Variants in PRKDC observed in about 807,000 individuals in gnomAD.
PRKDC encodes DNA-dependent protein kinase catalytic subunit.
A neutral mutation model predicts 486.9 loss-of-function variants in PRKDC; 82 were observed. That is an observed-to-expected ratio of 0.17 (90% CI 0.14 to 0.20). The LOEUF (loss-of-function observed/expected upper bound fraction) is 0.20. PRKDC is among the 10% of genes least tolerant of loss of function. The probability of loss-of-function intolerance (pLI) is 1.00; values close to 1 mark genes in which losing one functional copy is unlikely to be tolerated. For missense variants in PRKDC, 4,504 were observed against 5,038.2 expected, an observed-to-expected ratio of 0.89 and a Z score of 3.21; for synonymous variants, 1,895 against 1,837.0, an observed-to-expected ratio of 1.03 and a Z score of -0.81.
rs553054034 is a variant in PRKDC, at chr8:47,782,598, C to A, written c.11176G>T (p.Val3726Leu). Residue 3726 changes from valine (V) to leucine (L), a missense_variant and splice_region_variant, in exon 79 of 86, where the codon GTG (valine) becomes TTG (leucine). By Grantham distance (32) the Val-to-Leu change is conservative. Transcript: ENST00000314191. The surrounding 1 kb of genome is among the most constrained non-coding windows in gnomAD (Gnocchi z 4.9). Reference sequence around the variant, plus strand: ...CTTCGCAGAGACGCCATGACTGTCACCTTCAAAAATCAGAATGTCATCTCA... The same window carrying A: ...CTTCGCAGAGACGCCATGACTGTCAACTTCAAAAATCAGAATGTCATCTCA... ...HVRIAGFDER[V>L]TVMASLRRPK... 1.3e-6 allele frequency: 2 copies of A among 1,555,252 alleles called. No homozygotes were observed. The highest frequency in any genetic ancestry group is 1.4e-5 in the African/African-American group (1 of 73,496).
In PRKDC at chr8:47,830,707, C is replaced by T; in HGVS notation, c.8295G>A (p.Gln2765=). The T allele has an allele frequency of 6.2e-7, 1 of 1,613,926 alleles. No homozygotes were observed. Among genetic ancestry groups the T allele is most frequent in the Non-Finnish European group, 8.5e-7 (1 of 1,179,876 alleles). ...KEIKSELKMK[Q]DAQVVLYRSY... Reference sequence around the variant, plus strand: ...TTCTGTACAGAACGACCTGGGCATCCTGCTTCATTTTTAACTCACTCTTGA... The same window carrying T: ...TTCTGTACAGAACGACCTGGGCATCTTGCTTCATTTTTAACTCACTCTTGA... Residue 2765 remains glutamine (Q), a synonymous_variant, in exon 61 of 86, where the codon CAG becomes CAA. Coordinates refer to ENST00000314191, the MANE Select transcript of PRKDC (RefSeq NM_006904.7).
At chr8:47,932,183 A>G (rs1254828793) in intron 16 of PRKDC, among the ~76,000 whole-genome samples, 6 of 152,156 alleles carry the variant, frequency 3.9e-5, no homozygotes, top group Admixed American at 3.9e-4. Context: ...TCCCAGGTTC[A>G]TGCCATTCTC....
rs1483844624 is a variant in PRKDC at position 47,881,467 on chromosome 8, A to G, written c.5016T>C (p.Phe1672=). 5.1e-6 allele frequency: 8 copies of G among 1,579,966 alleles called. No individual in the cohort carries two copies. The highest frequency in any genetic ancestry group is 6.1e-6 in the Non-Finnish European group (7 of 1,152,388). The change falls in exon 38 of 86, where the codon TTT becomes TTC. Residue 1672 remains phenylalanine (F), a synonymous_variant. Transcript: ENST00000314191. ...CAGCAAGTAGACTAATATATGTTGT[A>G]AAGACTTCAGGGAATGAACCATGAC... ...NTSHGSFPEV[F]TTYISLLADT... is the part of the protein sequence containing the mutation.
intron 74 of PRKDC, among the ~76,000 whole-genome samples, chr8:47,792,920 G>C (rs1442406760): frequency 6.6e-6 from 1 of 152,190 alleles, no homozygotes; most frequent in South Asian, 2.1e-4. Context: ...GTCCAGGTTG[G>C]ACTGCAGTGG....
At chr8:47,906,210 G>A (rs746140278) in intron 25 of PRKDC, among the ~76,000 whole-genome samples, 16 of 152,078 alleles carry the variant, frequency 1.1e-4, no homozygotes, top group Non-Finnish European at 1.9e-4. Context: ...AGCTAGGCAC[G>A]GTGGTGCGTG....
chr8:47,892,089 C>T lies in PRKDC; in HGVS notation c.3847+1050G>A, dbSNP rs188173377. On this transcript the variant is annotated intron_variant, in intron 31 of 85. Transcript: ENST00000314191. ...TTCGCCATGTTGGCCAGACTGGTTTCGAACTCCTCACCTCAGGTGATGTGC... is the reference window on the plus strand; with the variant it reads ...TTCGCCATGTTGGCCAGACTGGTTTTGAACTCCTCACCTCAGGTGATGTGC... Among the ~76,000 whole-genome samples, 14 of 152,184 alleles carry T rather than the reference C, an allele frequency of 9.2e-5. No homozygotes were observed. In the East Asian group the frequency reaches 1.4e-3, roughly 15 times the overall value.
intron 67 of PRKDC, 77 bp from the exon 68 acceptor site, chr8:47,817,638 T>C (rs919155214): frequency 1.3e-5 from 12 of 956,650 alleles, no homozygotes; most frequent in East Asian, 5.4e-5. Flanking sequence ...TATCAGTAAA[T>C]AGAAAATTCA....
At position 47,864,738 on chromosome 8, in the gene PRKDC, G is replaced by C. The variant is rs773874726; in HGVS notation, c.5389C>G (p.Leu1797Val). 1.9e-6 allele frequency: 3 copies of C among 1,599,008 alleles called. No homozygotes were observed. The highest frequency in any genetic ancestry group is 2.6e-6 in the Non-Finnish European group (3 of 1,171,502). ...RRGSCVTQVG[L>V]LESVYEMFRK... ...AACATTTCATACACGCTTTCCAGAA[G>C]GCCTACTTGTGTGACACATGAACCC... Residue 1797 changes from leucine (L) to valine (V), a missense_variant, in exon 41 of 86, where the codon CTT becomes GTT. By Grantham distance (32) the Leu-to-Val change is conservative. Coordinates refer to ENST00000314191, the MANE Select transcript of PRKDC (RefSeq NM_006904.7).
At chr8:47,863,680 AT>A (rs1260097038) in intron 41 of PRKDC, 103 bp from the exon 42 acceptor site, 7 of 983,278 alleles carry the variant, frequency 7.1e-6, no homozygotes, top group Non-Finnish European at 1.0e-5. Context: ...GACAGACAGA[AT>A]TTTAACAGTC....
At chr8:47,801,056 ATTG>A (rs2087098462) in intron 70 of PRKDC, 70 bp from the exon 71 acceptor site, 1 of 1,416,948 alleles carries the variant, frequency 7.1e-7, no homozygotes, top group Admixed American at 2.0e-5. Flanking sequence ...GAAGAAATTC[ATTG>A]TCTATAGAAG....
At chr8:47,858,800 T>C (rs1048954595) in intron 47 of PRKDC, 49 bp downstream of exon 47, 4 of 1,573,390 alleles carry the variant, frequency 2.5e-6, no homozygotes, top group Non-Finnish European at 3.5e-6. Flanking sequence ...ATTCTCAGTA[T>C]GACACCAATG....
intron 7 of PRKDC, among the ~76,000 whole-genome samples, chr8:47,945,043 G>A (rs562168649): frequency 6.6e-6 from 1 of 152,298 alleles, no homozygotes; most frequent in East Asian, 1.9e-4. Context: ...ACTAGTTGGG[G>A]AAAAGGTCAT....
At chr8:47,788,166 T>C (rs2086821705) in intron 76 of PRKDC, among the ~76,000 whole-genome samples, 1 of 152,228 alleles carries the variant, frequency 6.6e-6, no homozygotes, top group Non-Finnish European at 1.5e-5. Flanking sequence ...TAAGCTGTTT[T>C]AGGTGAGAGA....
At chr8:47,940,209 A>T (rs565728373) in intron 10 of PRKDC, among the ~76,000 whole-genome samples, 1 of 152,230 alleles carries the variant, frequency 6.6e-6, no homozygotes, top group African/African-American at 2.4e-5. Flanking sequence ...AAGACAAAGC[A>T]TCTCAGTTTT....
intron 40 of PRKDC, among the ~76,000 whole-genome samples, chr8:47,870,723 A>G (rs763505852): frequency 6.6e-6 from 1 of 152,218 alleles, no homozygotes; most frequent in Non-Finnish European, 1.5e-5. Context: ...GACTTCACCA[A>G]ATCAACTAAA....
Position 47,855,073 on chromosome 8 carries a change from C to CTCTT in PRKDC, c.6761+148_6761+149insAAGA, listed in dbSNP as rs543448872. On this transcript the variant is annotated intron_variant, in intron 50 of 85. Transcript: ENST00000314191. ...TGCGAGACACGCATCTGGTGCCACA[C>CTCTT]TCTGGAGGCTGTGGTTTTATTAGTA... 4.5e-3 allele frequency: 3,894 copies of CTCTT among 866,746 alleles called. 12 individuals carry two copies. Among genetic ancestry groups the CTCTT allele is most frequent in the Non-Finnish European group, 5.9e-3 (3,478 of 592,212 alleles). The allele number at this position is 866,746 out of a possible 1,614,324, so 53.7% of individuals were successfully genotyped here. A position where few individuals can be genotyped will look rare whatever the true frequency, so the allele number is the denominator to read the frequency against.
chr8:47,931,321 C>A (rs936131732), intron 16 of PRKDC, among the ~76,000 whole-genome samples: 6 of 151,994 alleles, frequency 3.9e-5, no homozygotes, highest in Non-Finnish European at 1.5e-5. Flanking sequence ...GAGGAGGAGG[C>A]TGGAGACCAA....
intron 21 of PRKDC, among the ~76,000 whole-genome samples, chr8:47,919,985 T>G (rs1484573541): frequency 1.3e-5 from 2 of 152,216 alleles, no homozygotes; most frequent in East Asian, 3.8e-4. Context: ...AAGGCGTTCC[T>G]GAACCACAAA....
intron 39 of PRKDC, among the ~76,000 whole-genome samples, chr8:47,878,345 T>G (rs2089135617): frequency 1.3e-5 from 2 of 152,176 alleles, no homozygotes; most frequent in Non-Finnish European, 2.9e-5. Flanking sequence ...GACCTGGTGA[T>G]CTGCCCTCCT....
Sources: allele counts gnomAD v4.1 joint callset (sites outside exome capture counted in the v4.1 genomes callset), GRCh38; gene constraint gnomAD v4.1.1; non-coding constraint Gnocchi (gnomAD v3.1); transcripts MANE v1.5; gene names NCBI Gene and HGNC (gene_info 2026-07-23, HGNC 2026-07-21).